Variants in TOMM40 observed in about 807,000 individuals in gnomAD.
TOMM40 encodes the protein translocase of outer mitochondrial membrane 40.
In TOMM40, 9 loss-of-function variants were observed where a neutral mutation model predicts 38.4. The observed-to-expected ratio is 0.23, with a 90% CI of 0.14 to 0.41. TOMM40 has a LOEUF of 0.41. Ranked by LOEUF, TOMM40 falls within the 10% of genes least tolerant of loss-of-function variation. TOMM40 has a pLI of 1.00. For missense variants in TOMM40, 299 were observed against 486.5 expected, an observed-to-expected ratio of 0.61 and a Z score of 3.63; for synonymous variants, 184 against 210.0, an observed-to-expected ratio of 0.88 and a Z score of 1.07.
At position 44,891,323 on chromosome 19, in the gene TOMM40, C is replaced by T. The variant is rs971184198; in HGVS notation, c.-93C>T. The stretch of plus-strand genomic sequence containing the variant: ...AGCAGGCGCCGCCGCCAGTGAGAAC[C>T]GGGGCCGGAGCCGGGTGCGGATTTG... On this transcript the variant is annotated 5_prime_UTR_variant, in exon 1 of 9. Transcript: ENST00000426677. 2.5e-6 allele frequency: 3 copies of T among 1,211,580 alleles called. No individual in the cohort carries two copies. In the African/African-American group the frequency reaches 4.7e-5, roughly 19 times the overall value. The allele number at this position is 1,211,580 out of a possible 1,614,324, so 75.1% of individuals were successfully genotyped here. A position where few individuals can be genotyped will look rare whatever the true frequency, so the allele number is the denominator to read the frequency against.
At chr19:44,900,615 G>T (rs1969660569) in intron 5 of TOMM40, 115 bp from the exon 6 acceptor site, 19 of 1,585,466 alleles carry the variant, frequency 1.2e-5, no homozygotes, top group Admixed American at 9.3e-5. Flanking sequence ...GCCCTTGAGG[G>T]AGGCCTGAGA....
At chr19:44,891,777 C>A in intron 1 of TOMM40, 88 bp downstream of exon 1, 2 of 1,285,102 alleles carry the variant, frequency 1.6e-6, no homozygotes, top group Non-Finnish European at 2.0e-6. Flanking sequence ...ATTTGGCGCG[C>A]ACCATTGGAA....
In TOMM40 at chr19:44,892,425, C is replaced by T. The variant is rs377257952; in HGVS notation, c.307C>T (p.Leu103Phe). 36 of 1,613,256 alleles carry T rather than the reference C, an allele frequency of 2.2e-5. No individual in the cohort carries two copies. The highest frequency in any genetic ancestry group is 2.9e-5 in the Non-Finnish European group (34 of 1,180,030). Reference protein sequence around the residue: ...LFPIQMEGVKLTVNKGLSNHF... With the variant: ...LFPIQMEGVKFTVNKGLSNHF... ...TCCCATTCAGATGGAGGGTGTCAAG[C>T]TCACAGTCAACAAAGGGTTGAGTAA... The change falls in exon 2 of 9, where the codon CTC becomes TTC. Residue 103 changes from leucine (L) to phenylalanine (F), a missense_variant. Coordinates refer to ENST00000426677, the MANE Select transcript of TOMM40 (RefSeq NM_001128917.2).
At position 44,899,791 on chromosome 19, in the gene TOMM40, CTTTTTTTTTTTTTTTTTTTTTT is replaced by C. The variant is rs10524523; in HGVS notation, c.644-925_644-904del. 1.3e-3 allele frequency among the ~76,000 whole-genome samples: 117 copies of C among 91,002 alleles called. 6 individuals carry two copies. In the East Asian group the frequency reaches 0.039, roughly 30 times the overall value. The allele number at this position is 91,002 out of a possible 152,430, so 59.7% of individuals were successfully genotyped here. On this transcript the variant is annotated intron_variant, in intron 5 of 8. Coordinates refer to ENST00000426677, the MANE Select transcript of TOMM40 (RefSeq NM_001128917.2). Reference sequence around the variant, plus strand: ...TACTGGCATGAGCCATTGCATCTGGCTTTTTTTTTTTTTTTTTTTTTTTTTTTTTTTTTTTGAGATGGGGTCT... The same window carrying C: ...TACTGGCATGAGCCATTGCATCTGGCTTTTTTTTTTTTTGAGATGGGGTCT...
chr19:44,898,622 C>T (rs940985034), intron 5 of TOMM40, among the ~76,000 whole-genome samples: 2 of 149,058 alleles, frequency 1.3e-5, no homozygotes, highest in Non-Finnish European at 3.0e-5. Context: ...ACTGCAACTT[C>T]CGCCTCCCGG....
In TOMM40 at chr19:44,903,123, A is replaced by C; in HGVS notation, c.1040A>C (p.His347Pro). Residue 347 changes from histidine (H) to proline (P), a missense_variant, in exon 9 of 9, where the codon CAC becomes CCC. Physicochemically the swap from His to Pro is moderately conservative, Grantham distance 77. Coordinates refer to ENST00000426677, the MANE Select transcript of TOMM40 (RefSeq NM_001128917.2). ...LTLALGAFLN[H>P]RKNKFQCGFG... Reference sequence around the variant, plus strand: ...CTGGCCCTTGGGGCCTTCCTGAATCACCGCAAGAACAAGTTTCAGTGTGGC... The same window carrying C: ...CTGGCCCTTGGGGCCTTCCTGAATCCCCGCAAGAACAAGTTTCAGTGTGGC... 6.2e-7 allele frequency: 1 copy of C among 1,612,166 alleles called. No homozygotes were observed. Among genetic ancestry groups the C allele is most frequent in the Non-Finnish European group, 8.5e-7 (1 of 1,179,914 alleles).
chr19:44,891,463 G>T lies in TOMM40; in HGVS notation c.48G>T (p.Pro16=). ...AASSPPAGPP[P]PPAPALVGLP... The stretch of plus-strand genomic sequence containing the variant: ...GCTCGCCGCCCGCAGGGCCGCCACC[G>T]CCGCCTGCGCCGGCCCTCGTGGGGC... Residue 16 remains proline, a synonymous_variant, in exon 1 of 9, where the codon CCG becomes CCT. Transcript: ENST00000426677. 7.7e-7 allele frequency: 1 copy of T among 1,299,496 alleles called. No individual in the cohort carries two copies. The allele number at this position is 1,299,496 out of a possible 1,614,324, so 80.5% of individuals were successfully genotyped here.
intron 5 of TOMM40, among the ~76,000 whole-genome samples, chr19:44,897,254 G>T (rs903237360): frequency 3.9e-5 from 6 of 152,116 alleles, no homozygotes; most frequent in African/African-American, 1.4e-4. Context: ...AGATGGGAAG[G>T]ATGGTTAGAA....
chr19:44,893,672 G>A (rs889579406), intron 3 of TOMM40, 108 bp from the exon 4 acceptor site: 9 of 879,928 alleles, frequency 1.0e-5, no homozygotes, highest in Non-Finnish European at 1.4e-5. Flanking sequence ...TCGTGGAGGA[G>A]GGGACCCCCA....
intron 5 of TOMM40, among the ~76,000 whole-genome samples, chr19:44,899,141 A>G (rs1969629273): frequency 6.6e-6 from 1 of 151,224 alleles, no homozygotes; most frequent in African/African-American, 2.4e-5. Context: ...TCAAAAAAAA[A>G]AAAAAAAAAT....
At position 44,892,377 on chromosome 19, in the gene TOMM40, C is replaced by G; in HGVS notation, c.275-16C>G. The G allele has an allele frequency of 6.2e-7, 1 of 1,613,586 alleles. No individual in the cohort carries two copies. Among genetic ancestry groups the G allele is most frequent in the Non-Finnish European group, 8.5e-7 (1 of 1,179,686 alleles). ...GTGGGGTTGGAGTGGAGTGTGACAG[C>G]GTTTCTCTTCTCCAGAGCTGTTTCC... On this transcript the variant is annotated splice_polypyrimidine_tract_variant and intron_variant, in intron 1 of 8. Transcript: ENST00000426677.
Position 44,893,060 on chromosome 19 carries a change from C to G in TOMM40, c.435+131C>G, listed in dbSNP as rs1403405676. 1.2e-5 allele frequency: 8 copies of G among 685,242 alleles called. No homozygotes were observed. In the East Asian group the frequency reaches 1.9e-4, roughly 17 times the overall value. 42.4% of individuals were successfully genotyped at this position (685,242 alleles called of 1,614,324 possible). ...GCCTGGAGATGGGGATTGCATCTCT[C>G]CGAGGTGCACTGGGACACAAATAAT... On this transcript the variant is annotated intron_variant, in intron 3 of 8. Transcript: ENST00000426677.
chr19:44,899,019 C>T (rs985315626), intron 5 of TOMM40, among the ~76,000 whole-genome samples: 3 of 150,848 alleles, frequency 2.0e-5, no homozygotes, highest in African/African-American at 4.9e-5. Flanking sequence ...GTAGTCCCAG[C>T]TACTCGGAGA....
At chr19:44,892,663 G>A (rs1969489498) in intron 2 of TOMM40, among the ~76,000 whole-genome samples, 174 bp from the exon 3 acceptor site, 1 of 152,162 alleles carries the variant, frequency 6.6e-6, no homozygotes, top group Non-Finnish European at 1.5e-5. Flanking sequence ...AGCTAGGCTG[G>A]AGTGAAGGAA....
chr19:44,903,147 G>A lies in TOMM40; in HGVS notation c.1064G>A (p.Gly355Asp). 1 of 1,611,788 alleles carries A rather than the reference G, an allele frequency of 6.2e-7. No homozygotes were observed. Among genetic ancestry groups the A allele is most frequent in the South Asian group, 1.1e-5 (1 of 90,934 alleles). ...CACCGCAAGAACAAGTTTCAGTGTGGCTTTGGCCTCACCATCGGCTGAGCC... is the reference window on the plus strand; with the variant it reads ...CACCGCAAGAACAAGTTTCAGTGTGACTTTGGCCTCACCATCGGCTGAGCC... Reference protein sequence around the residue: ...LNHRKNKFQCGFGLTIG With the variant: ...LNHRKNKFQCDFGLTIG Residue 355 changes from glycine (G) to aspartate (D), a missense_variant, in exon 9 of 9, where the codon GGC (glycine) becomes GAC (aspartate). Physicochemically the swap from Gly to Asp is moderately conservative, Grantham distance 94. Transcript: ENST00000426677.
intron 1 of TOMM40, 86 bp from the exon 2 acceptor site, chr19:44,892,307 T>C (rs1969481243): frequency 7.6e-7 from 1 of 1,313,704 alleles, no homozygotes; most frequent in South Asian, 1.2e-5. Context: ...TGTGGGTCTC[T>C]GGAGAGAGCT....
In TOMM40 at chr19:44,903,282, G is replaced by GC. The variant is rs977210453; in HGVS notation, c.*113_*114insC. 103 of 1,056,554 alleles carry GC rather than the reference G, an allele frequency of 9.7e-5. 1 individual carries two copies. Among genetic ancestry groups the GC allele is most frequent in the Non-Finnish European group, 1.2e-4 (100 of 804,552 alleles). 65.4% of individuals were successfully genotyped at this position (1,056,554 alleles called of 1,614,324 possible). A position where few individuals can be genotyped will look rare whatever the true frequency, so the allele number is the denominator to read the frequency against. On this transcript the variant is annotated 3_prime_UTR_variant, in exon 9 of 9. Transcript: ENST00000426677. ...TCCCTTCCCTCCCCCCTTGGGGGTCGGGGGGGACATTGGAAAGGAGGGACC... is the reference window on the plus strand; with the variant it reads ...TCCCTTCCCTCCCCCCTTGGGGGTCGCGGGGGGACATTGGAAAGGAGGGACC...
In TOMM40 at chr19:44,892,721, G is replaced by T. The variant is rs376710544; in HGVS notation, c.343-116G>T. ...GCACCTCCTTTCTCTGAGTCTCTTA[G>T]TCAGGCCGTGCCTCCCAGTCTTCAT... On this transcript the variant is annotated intron_variant, in intron 2 of 8. Transcript: ENST00000426677. The T allele has an allele frequency of 4.5e-4, 405 of 891,696 alleles. 2 individuals carry two copies. Among genetic ancestry groups the T allele is most frequent in the Middle Eastern group, 2.3e-3 (7 of 3,086 alleles). 55.2% of individuals were successfully genotyped at this position (891,696 alleles called of 1,614,324 possible).
chr19:44,902,887 G>GT (rs1306034791), intron 8 of TOMM40, 143 bp from the exon 9 acceptor site: 2 of 1,017,904 alleles, frequency 2.0e-6, no homozygotes, highest in African/African-American at 3.3e-5. Flanking sequence ...AGTTGTTGGT[G>GT]TGATGGGGTT....
Sources: gnomAD v4.1 joint callset for allele counts (sites outside exome capture counted in the v4.1 genomes callset) on GRCh38, gnomAD v4.1.1 for gene constraint, MANE v1.5 for transcripts, NCBI Gene and HGNC (gene_info 2026-07-23, HGNC 2026-07-21) for gene names.